The following MEIS1 variants were observed in gnomAD, a reference collection of about 807,000 sequenced individuals.
MEIS1 encodes homeobox protein Meis1.
In MEIS1, 5 loss-of-function variants were observed where a neutral mutation model predicts 50.8. The ratio of observed to expected loss-of-function variants is 0.10; its 90% confidence interval spans 0.05 to 0.21. MEIS1 has a LOEUF of 0.21. Ranked by LOEUF, MEIS1 falls within the 10% of genes least tolerant of loss-of-function variation. The probability of loss-of-function intolerance (pLI) is 1.00; values close to 1 mark genes in which losing one functional copy is unlikely to be tolerated. For synonymous variants in MEIS1, 176 were observed against 179.3 expected, an observed-to-expected ratio of 0.98 and a Z score of 0.15; for missense variants, 318 against 517.3, an observed-to-expected ratio of 0.61 and a Z score of 3.74.
At chr2:66,553,742 C>T (rs1022237269) in intron 9 of MEIS1, among the ~76,000 whole-genome samples, 5 of 152,142 alleles carry the variant, frequency 3.3e-5, no homozygotes, top group Admixed American at 1.3e-4. Context: ...TTGAAAATGA[C>T]TCTGCAGTCT....
At chr2:66,440,806 G>A (rs906779080) in intron 4 of MEIS1, 194 bp downstream of exon 4, 1 of 579,472 alleles carries the variant, frequency 1.7e-6, no homozygotes, top group East Asian at 2.9e-5. Context: ...ATCTCGAGAG[G>A]GGCCGGGCGA....
chr2:66,503,042 G>A (rs1056705228), intron 7 of MEIS1, among the ~76,000 whole-genome samples: 1 of 152,052 alleles, frequency 6.6e-6, no homozygotes, highest in African/African-American at 2.4e-5. Flanking sequence ...CCTAAATTGG[G>A]GTCTACCTGA....
At chr2:66,553,834 C>T (rs1674985764) in intron 9 of MEIS1, among the ~76,000 whole-genome samples, 1 of 152,176 alleles carries the variant, frequency 6.6e-6, no homozygotes, top group Admixed American at 6.5e-5. Flanking sequence ...ATCGTTAATA[C>T]TGTTAAAGAC....
At chr2:66,489,124 C>G (rs1673209694) in intron 7 of MEIS1, among the ~76,000 whole-genome samples, 2 of 152,206 alleles carry the variant, frequency 1.3e-5, no homozygotes, top group African/African-American at 4.8e-5. Context: ...TAGCTGCTTT[C>G]CTGTTTAAAG....
chr2:66,458,749 A>G (rs1475181478), intron 6 of MEIS1, among the ~76,000 whole-genome samples: 3 of 152,042 alleles, frequency 2.0e-5, no homozygotes, highest in Non-Finnish European at 2.9e-5. Flanking sequence ...GTATTAATCT[A>G]TTTTTATAGT....
At chr2:66,503,217 T>C (rs1673599324) in intron 7 of MEIS1, among the ~76,000 whole-genome samples, 1 of 152,172 alleles carries the variant, frequency 6.6e-6, no homozygotes, top group Non-Finnish European at 1.5e-5. Context: ...ACCCCATAGA[T>C]ACTTATGACT....
intron 8 of MEIS1, among the ~76,000 whole-genome samples, chr2:66,527,841 A>C (rs1404742818): frequency 6.6e-6 from 1 of 152,140 alleles, no homozygotes; most frequent in East Asian, 1.9e-4. Flanking sequence ...GCCACATCTA[A>C]CTTATCTTTG....
At chr2:66,466,259 T>C (rs1672632400) in intron 7 of MEIS1, among the ~76,000 whole-genome samples, 1 of 152,198 alleles carries the variant, frequency 6.6e-6, no homozygotes, top group African/African-American at 2.4e-5. Flanking sequence ...AGACCCTCTT[T>C]CCTCATCTCT....
At chr2:66,454,537 G>T (rs930839106) in intron 6 of MEIS1, among the ~76,000 whole-genome samples, 3 of 151,902 alleles carry the variant, frequency 2.0e-5, no homozygotes, top group Admixed American at 2.0e-4. Flanking sequence ...CTGAGGTCTT[G>T]TTGCTTTCGG....
chr2:66,510,112 AG>A (rs1434861737), intron 7 of MEIS1, among the ~76,000 whole-genome samples: 2 of 152,202 alleles, frequency 1.3e-5, no homozygotes, highest in African/African-American at 4.8e-5. Context: ...AAAGTGGATT[AG>A]CCCATTGAAA....
chr2:66,557,314 T>A (rs1254245172), intron 9 of MEIS1, among the ~76,000 whole-genome samples: 1 of 152,202 alleles, frequency 6.6e-6, no homozygotes. Context: ...TTCACCCATT[T>A]AATTCAATGG....
Position 66,498,801 on chromosome 2 carries a change from T to C in MEIS1, c.743-13348T>C, listed in dbSNP as rs1299055068. 2.0e-5 allele frequency among the ~76,000 whole-genome samples: 3 copies of C among 152,174 alleles called. No homozygotes were observed. In the East Asian group the frequency reaches 5.8e-4, roughly 29 times the overall value. On this transcript the variant is annotated intron_variant, in intron 7 of 12. Coordinates refer to ENST00000272369, the MANE Select transcript of MEIS1 (RefSeq NM_002398.3). ...CAGAACCTTGTTAAGATGCACAGTG[T>C]GGTCCTTGGACTGGCAGTGTGGCCT...
chr2:66,545,611 G>A (rs969923801), intron 8 of MEIS1, among the ~76,000 whole-genome samples: 3 of 152,180 alleles, frequency 2.0e-5, no homozygotes, highest in Non-Finnish European at 4.4e-5. Context: ...TAGACCTACT[G>A]TATATCAAGC....
At chr2:66,553,605 C>T (rs951543181) in intron 9 of MEIS1, among the ~76,000 whole-genome samples, 6 of 152,298 alleles carry the variant, frequency 3.9e-5, no homozygotes, top group African/African-American at 1.4e-4. Context: ...GCAAATAGCT[C>T]GCAGGGAAAA....
At chr2:66,473,397 A>AAAAAAAAAAAAAAAAAATAT in intron 7 of MEIS1, among the ~76,000 whole-genome samples, 1 of 107,594 alleles carries the variant, frequency 9.3e-6, no homozygotes, top group Admixed American at 9.6e-5. Context: ...AAAAAAAAAA[A>AAAAAAAAAAAAAAAAAATAT]ATATATATAT....
intron 8 of MEIS1, among the ~76,000 whole-genome samples, chr2:66,518,455 G>A (rs896739574): frequency 3.3e-5 from 5 of 152,034 alleles, no homozygotes; most frequent in African/African-American, 1.2e-4. Flanking sequence ...TTCTTAATTG[G>A]GCTGATTAAA....
intron 8 of MEIS1, among the ~76,000 whole-genome samples, chr2:66,520,509 A>C (rs1304917870): frequency 6.6e-6 from 1 of 152,004 alleles, no homozygotes; most frequent in African/African-American, 2.4e-5. Context: ...CAGTTTCCCA[A>C]CTTCAAGGGG....
At chr2:66,458,604 T>A (rs1039756582) in intron 6 of MEIS1, among the ~76,000 whole-genome samples, 2 of 152,228 alleles carry the variant, frequency 1.3e-5, no homozygotes, top group African/African-American at 4.8e-5. Flanking sequence ...GAGTACTTTT[T>A]ATCCTCATTT....
chr2:66,554,473 T>C (rs1293272597), intron 9 of MEIS1, among the ~76,000 whole-genome samples: 1 of 152,214 alleles, frequency 6.6e-6, no homozygotes, highest in African/African-American at 2.4e-5. Flanking sequence ...TGGCTACGCC[T>C]CATCCATAGG....
Sources: allele counts gnomAD v4.1 joint callset (sites outside exome capture counted in the v4.1 genomes callset), GRCh38; gene constraint gnomAD v4.1.1; transcripts MANE v1.5; gene names NCBI Gene and HGNC (gene_info 2026-07-23, HGNC 2026-07-21).